The following NSUN6 variants were observed in gnomAD, a reference collection of about 807,000 sequenced individuals.
NSUN6 encodes tRNA (cytosine(72)-C(5))-methyltransferase NSUN6.
Under a neutral mutation model 58.0 loss-of-function variants are expected in NSUN6, and 64 were observed. That is an observed-to-expected ratio of 1.10 (90% CI 0.90 to 1.36). The LOEUF is 1.36. Among genes scored for constraint, NSUN6 ranks in the 40% most tolerant of loss-of-function variants. NSUN6 has a pLI of 0.00. For missense variants in NSUN6, 701 were observed against 550.1 expected, an observed-to-expected ratio of 1.27 and a Z score of -2.74; for synonymous variants, 231 against 193.9, an observed-to-expected ratio of 1.19 and a Z score of -1.59.
intron 6 of NSUN6, among the ~76,000 whole-genome samples, chr10:18,596,567 G>A (rs2057596294): frequency 6.6e-6 from 1 of 152,084 alleles, no homozygotes; most frequent in African/African-American, 2.4e-5. Context: ...CAATTTTCAA[G>A]TCAACTGAAC....
At chr10:18,577,903 A>G (rs2131039682) in intron 8 of NSUN6, among the ~76,000 whole-genome samples, 1 of 152,308 alleles carries the variant, frequency 6.6e-6, no homozygotes, top group Admixed American at 6.5e-5. Flanking sequence ...GTCTAACCCT[A>G]GCCAATAGGG....
intron 8 of NSUN6, among the ~76,000 whole-genome samples, chr10:18,572,550 C>T (rs532143438): frequency 1.3e-5 from 2 of 151,148 alleles, no homozygotes; most frequent in African/African-American, 2.4e-5. Flanking sequence ...ATTTTCCATT[C>T]CATTCCATTC....
chr10:18,638,335 G>A (rs561813744), intron 3 of NSUN6, among the ~76,000 whole-genome samples: 21 of 152,184 alleles, frequency 1.4e-4, no homozygotes, highest in Non-Finnish European at 2.1e-4. Flanking sequence ...TCAACTACTC[G>A]GGAGCATGAG....
chr10:18,554,377 T>C (rs1180661775), intron 8 of NSUN6, among the ~76,000 whole-genome samples: 1 of 147,058 alleles, frequency 6.8e-6, no homozygotes, highest in Non-Finnish European at 1.5e-5. Context: ...TGAAATGGAA[T>C]GGAGTGGAGA....
chr10:18,560,008 A>G lies in NSUN6; in HGVS notation c.923-8037T>C, dbSNP rs989694163. 2.0e-5 allele frequency among the ~76,000 whole-genome samples: 3 copies of G among 150,904 alleles called. No individual in the cohort carries two copies. The Admixed American group carries it at 2.0e-4, about 10-fold the overall frequency. ...CGAATGGAATAGAGAATGGAATGCA[A>G]TGGAGAATGGAATGGAATGGAGATT... is the stretch of plus-strand genomic sequence containing the variant. On this transcript the variant is annotated intron_variant, in intron 8 of 10. Coordinates refer to ENST00000377304, the MANE Select transcript of NSUN6 (RefSeq NM_182543.5).
At chr10:18,572,483 A>T (rs967240236) in intron 8 of NSUN6, among the ~76,000 whole-genome samples, 2 of 139,274 alleles carry the variant, frequency 1.4e-5, no homozygotes, top group East Asian at 2.2e-4. Flanking sequence ...TAAATTCCCC[A>T]TTCCATTCCA....
intron 8 of NSUN6, among the ~76,000 whole-genome samples, chr10:18,559,394 A>AGGAATGGGGAAT (rs1265390086): frequency 6.7e-6 from 1 of 149,706 alleles, no homozygotes; most frequent in Non-Finnish European, 1.5e-5. Context: ...TATAATGGAA[A>AGGAATGGGGAAT]GGAATGGGGA....
chr10:18,590,006 G>A (rs983064517), intron 7 of NSUN6, among the ~76,000 whole-genome samples: 20 of 152,060 alleles, frequency 1.3e-4, no homozygotes, highest in African/African-American at 4.8e-4. Flanking sequence ...CTGTATTCGG[G>A]AGACCCATCT....
intron 5 of NSUN6, among the ~76,000 whole-genome samples, chr10:18,613,981 A>C (rs895737084): frequency 5.3e-5 from 8 of 152,208 alleles, no homozygotes; most frequent in African/African-American, 1.7e-4. Context: ...CTATATTTTA[A>C]TTTAGTTTGA....
intron 9 of NSUN6, among the ~76,000 whole-genome samples, chr10:18,548,507 T>G (rs1161195233): frequency 6.6e-6 from 1 of 152,202 alleles, no homozygotes; most frequent in Non-Finnish European, 1.5e-5. Context: ...TGGATACCAT[T>G]TTTTATGCTG....
Position 18,545,855 on chromosome 10 carries a change from A to T in NSUN6, c.*78T>A. On this transcript the variant is annotated 3_prime_UTR_variant, in exon 11 of 11. Coordinates refer to ENST00000377304, the MANE Select transcript of NSUN6 (RefSeq NM_182543.5). ...ACCACATCATCATTCAGTTGGCCTG[A>T]CAACACTTTGGTTAAAAAAAAAAAA... The T allele has an allele frequency of 1.5e-6, 1 of 659,790 alleles. No homozygotes were observed. The highest frequency in any genetic ancestry group is 2.4e-6 in the Non-Finnish European group (1 of 411,746). The allele number at this position is 659,790 out of a possible 1,614,324, so 40.9% of individuals were successfully genotyped here.
At chr10:18,626,161 G>C (rs1035174606) in intron 3 of NSUN6, among the ~76,000 whole-genome samples, 6 of 151,846 alleles carry the variant, frequency 4.0e-5, no homozygotes, top group African/African-American at 1.2e-4. Context: ...TGTGCCATAA[G>C]GACCGAAAGC....
intron 8 of NSUN6, among the ~76,000 whole-genome samples, chr10:18,556,638 C>T (rs1017579786): frequency 1.1e-4 from 16 of 139,254 alleles, no homozygotes; most frequent in African/African-American, 1.9e-4. Context: ...GAATGGAGAA[C>T]GGAATGGAGA....
At chr10:18,550,293 G>C (rs1197578538) in intron 9 of NSUN6, among the ~76,000 whole-genome samples, 1 of 152,128 alleles carries the variant, frequency 6.6e-6, no homozygotes, top group East Asian at 1.9e-4. Flanking sequence ...TTTTAATTCT[G>C]AGGATGAGTT....
At chr10:18,635,250 T>C (rs983911022) in intron 3 of NSUN6, among the ~76,000 whole-genome samples, 1 of 152,208 alleles carries the variant, frequency 6.6e-6, no homozygotes, top group African/African-American at 2.4e-5. Context: ...TTTGGTTTCT[T>C]CCAAACTTCA....
chr10:18,547,886 T>A (rs1013211281), intron 10 of NSUN6, among the ~76,000 whole-genome samples: 3 of 152,132 alleles, frequency 2.0e-5, no homozygotes, highest in Non-Finnish European at 4.4e-5. Flanking sequence ...ACTCCCAAGC[T>A]CTGTGCCATT....
chr10:18,600,038 T>G (rs1392018871), intron 6 of NSUN6, among the ~76,000 whole-genome samples: 2 of 152,198 alleles, frequency 1.3e-5, no homozygotes, highest in Non-Finnish European at 2.9e-5. Context: ...CAAAGTATCT[T>G]TGGGTAATGT....
At chr10:18,597,235 C>A (rs989104665) in intron 6 of NSUN6, among the ~76,000 whole-genome samples, 3 of 152,048 alleles carry the variant, frequency 2.0e-5, no homozygotes, top group Non-Finnish European at 4.4e-5. Context: ...AGAATGATAG[C>A]CTTGAATAAA....
intron 3 of NSUN6, among the ~76,000 whole-genome samples, chr10:18,628,152 C>A (rs2058892681): frequency 6.6e-6 from 1 of 152,160 alleles, no homozygotes; most frequent in Non-Finnish European, 1.5e-5. Context: ...CAGACTGACA[C>A]CTCACACGGT....
Sources: gnomAD v4.1 joint callset for allele counts (sites outside exome capture counted in the v4.1 genomes callset) on GRCh38, gnomAD v4.1.1 for gene constraint, MANE v1.5 for transcripts, NCBI Gene and HGNC (gene_info 2026-07-23, HGNC 2026-07-21) for gene names.